SAMM50: variants seen among roughly 807,000 people sequenced by gnomAD.
SAMM50 encodes the protein SAMM50 sorting and assembly machinery component, also known as sorting and assembly machinery component 50 homolog.
Under a neutral mutation model 66.9 loss-of-function variants are expected in SAMM50, and 47 were observed. The observed-to-expected ratio is 0.70, with a 90% CI of 0.56 to 0.90. The LOEUF (loss-of-function observed/expected upper bound fraction) is 0.90, where lower values mean the gene tolerates loss of function less well. Among genes scored for constraint, SAMM50 ranks in the 40% least tolerant of loss-of-function variants. The pLI is 0.00. For missense variants in SAMM50, 535 were observed against 595.3 expected, an observed-to-expected ratio of 0.90 and a Z score of 1.05; for synonymous variants, 191 against 214.1, an observed-to-expected ratio of 0.89 and a Z score of 0.94.
At chr22:43,973,748 G>A (rs191972271) in intron 7 of SAMM50, among the ~76,000 whole-genome samples, 278 of 152,218 alleles carry the variant, frequency 1.8e-3, no homozygotes, top group African/African-American at 6.5e-3. Flanking sequence ...TGATTCTCCT[G>A]CCTCAGCCTC....
chr22:43,974,486 G>C (rs937930274), intron 7 of SAMM50: 6 of 152,308 alleles, frequency 3.9e-5, no homozygotes, highest in African/African-American at 1.4e-4. Flanking sequence ...AGTGCCCCAG[G>C]CCTCTGGTCC....
chr22:43,976,066 G>A lies in SAMM50; in HGVS notation c.660G>A (p.Trp220Ter). The A allele has an allele frequency of 6.2e-7, 1 of 1,610,462 alleles. No individual in the cohort carries two copies. Among genetic ancestry groups the A allele is most frequent in the African/African-American group, 1.3e-5 (1 of 75,012 alleles). Residue 220 changes from tryptophan (W) to a stop codon, truncating the protein, a stop_gained, in exon 8 of 15, where the codon TGG becomes TGA. Coordinates refer to ENST00000350028, the MANE Select transcript of SAMM50 (RefSeq NM_015380.5). LOFTEE classifies it high-confidence loss of function. ...TCTCCATGTTGCAGTTTCCCATATG[G>A]AAGACCAGCCACACTGTCAAGTGGG... is the stretch of plus-strand genomic sequence containing the variant. ...GMSAEYSFPI[W>*]KTSHTVKWEG...
intron 3 of SAMM50, 84 bp downstream of exon 3, chr22:43,964,637 C>G (rs1045526620): frequency 1.4e-6 from 1 of 736,066 alleles, no homozygotes; most frequent in Non-Finnish European, 2.3e-6. Context: ...ACAGAGCACC[C>G]TGCGCCCGGC....
chr22:43,979,622 C>T (rs981177617), intron 10 of SAMM50, among the ~76,000 whole-genome samples: 6 of 151,888 alleles, frequency 4.0e-5, no homozygotes, highest in Admixed American at 6.6e-5. Context: ...CTTTTTGAGT[C>T]GTCTTTACTC....
chr22:43,996,408 TG>T lies in SAMM50; in HGVS notation c.*28del. ...GCCGACACCCCTACAGGAGAAGCTC[TG>T]GGACTGGGGCAGCAGCAAGGCGCCC... On this transcript the variant is annotated 3_prime_UTR_variant, in exon 15 of 15. Transcript: ENST00000350028. 6.2e-7 allele frequency: 1 copy of T among 1,612,918 alleles called. No individual in the cohort carries two copies. Among genetic ancestry groups the T allele is most frequent in the Non-Finnish European group, 8.5e-7 (1 of 1,178,866 alleles).
chr22:43,971,656 A>C lies in SAMM50; in HGVS notation c.323-580A>C, dbSNP rs1031012701. 2.0e-5 allele frequency among the ~76,000 whole-genome samples: 3 copies of C among 152,146 alleles called. No homozygotes were observed. The South Asian group carries it at 6.2e-4, about 32-fold the overall frequency. On this transcript the variant is annotated intron_variant, in intron 4 of 14. Transcript: ENST00000350028. The stretch of plus-strand genomic sequence containing the variant: ...TTTGCTTAAGTTTGCTTAAGTGAAT[A>C]ATGCTGCTTATAGTTATCTCCTTGT...
Position 43,985,939 on chromosome 22 carries a change from G to GT in SAMM50, c.1075+1950dup, listed in dbSNP as rs906958086. ...CCCAAGCTTTGGACATTGAGTTTGTGTTTTTTTTTTTCTTTTATGATTATA... is the reference window on the plus strand; with the variant it reads ...CCCAAGCTTTGGACATTGAGTTTGTGTTTTTTTTTTTTCTTTTATGATTATA... On this transcript the variant is annotated intron_variant, in intron 12 of 14. Transcript: ENST00000350028. 7.5e-4 allele frequency among the ~76,000 whole-genome samples: 104 copies of GT among 139,190 alleles called. 1 individual carries two copies. The highest frequency in any genetic ancestry group is 1.3e-3 in the East Asian group (6 of 4,712). 91.3% of individuals were successfully genotyped at this position (139,190 alleles called of 152,430 possible). A position where few individuals can be genotyped will look rare whatever the true frequency, so the allele number is the denominator to read the frequency against.
chr22:43,980,750 C>T (rs537379199), intron 10 of SAMM50, among the ~76,000 whole-genome samples: 5 of 152,210 alleles, frequency 3.3e-5, no homozygotes, highest in Admixed American at 6.5e-5. Flanking sequence ...AGGCAGAGAA[C>T]GTGTGAGGCT....
At position 43,956,556 on chromosome 22, in the gene SAMM50, C is replaced by T. The variant is rs144980586; in HGVS notation, c.21+958C>T. 7.2e-4 allele frequency among the ~76,000 whole-genome samples: 109 copies of T among 152,318 alleles called. 2 individuals carry two copies. The highest frequency in any genetic ancestry group is 2.5e-3 in the African/African-American group (105 of 41,560). On this transcript the variant is annotated intron_variant, in intron 1 of 14. Transcript: ENST00000350028. ...TCAGTGTGCTCGATAAGTCAATACA[C>T]TCAGACAGTGGGTTGCAGCAGAGAA...
At chr22:43,978,432 CAAAAAAAA>C (rs71313377) in intron 10 of SAMM50, among the ~76,000 whole-genome samples, 1 of 69,166 alleles carries the variant, frequency 1.4e-5, no homozygotes, top group Non-Finnish European at 2.5e-5. Flanking sequence ...GACTCCTTCT[CAAAAAAAA>C]AAAAAAAAAA....
chr22:43,985,784 C>A (rs1315402124), intron 12 of SAMM50, among the ~76,000 whole-genome samples: 1 of 151,940 alleles, frequency 6.6e-6, no homozygotes, highest in African/African-American at 2.4e-5. Flanking sequence ...TAAGGAGCTG[C>A]CAGGCGAGCT....
intron 1 of SAMM50, among the ~76,000 whole-genome samples, chr22:43,961,291 G>C (rs1223632840): frequency 1.3e-5 from 2 of 151,774 alleles, no homozygotes; most frequent in Non-Finnish European, 2.9e-5. Flanking sequence ...TGCCACACTA[G>C]ACCTTCTGTG....
rs189162603 is a variant in SAMM50, at chr22:43,957,614, G to T, written c.21+2016G>T. On this transcript the variant is annotated intron_variant, in intron 1 of 14. Transcript: ENST00000350028. ...ATTTTTGTATTTTTAGTAGAGACGG[G>T]GGTTTCATCATGTTGGCCAGGCTGG... Among the ~76,000 whole-genome samples the T allele has an allele frequency of 1.6e-3, 249 of 152,282 alleles. 2 individuals are homozygous for T. Among genetic ancestry groups the T allele is most frequent in the Middle Eastern group, 6.8e-3 (2 of 294 alleles).
intron 10 of SAMM50, among the ~76,000 whole-genome samples, chr22:43,978,432 C>CAAAAAAAA (rs71313377): frequency 1.7e-4 from 12 of 69,112 alleles, no homozygotes; most frequent in African/African-American, 5.4e-4. Flanking sequence ...GACTCCTTCT[C>CAAAAAAAA]AAAAAAAAAA....
intron 1 of SAMM50, among the ~76,000 whole-genome samples, chr22:43,961,680 G>A (rs1156704968): frequency 6.6e-6 from 1 of 151,952 alleles, no homozygotes; most frequent in Non-Finnish European, 1.5e-5. Context: ...TCAAACTACT[G>A]ACCTAAAGTG....
At chr22:43,966,709 G>A (rs2050175370) in intron 3 of SAMM50, among the ~76,000 whole-genome samples, 1 of 151,922 alleles carries the variant, frequency 6.6e-6, no homozygotes, top group Non-Finnish European at 1.5e-5. Flanking sequence ...CCCAAAATTG[G>A]GTTTTATCAC....
intron 1 of SAMM50, 33 bp downstream of exon 1, chr22:43,955,631 C>A (rs1476619851): frequency 1.5e-5 from 23 of 1,570,702 alleles, no homozygotes; most frequent in Non-Finnish European, 2.0e-5. Flanking sequence ...GGCTGCGAGG[C>A]CTCTGGGCCA....
chr22:43,968,513 T>A (rs2050186068), intron 3 of SAMM50, among the ~76,000 whole-genome samples: 1 of 152,250 alleles, frequency 6.6e-6, no homozygotes. Context: ...TTGCACACTC[T>A]TGATGCCAAG....
intron 3 of SAMM50, among the ~76,000 whole-genome samples, chr22:43,965,848 G>A (rs2050170548): frequency 6.6e-6 from 1 of 150,568 alleles, no homozygotes. Context: ...TTTTTTTTCT[G>A]AGATAGGGTC....
Sources: allele counts gnomAD v4.1 joint callset (sites outside exome capture counted in the v4.1 genomes callset), GRCh38; gene constraint gnomAD v4.1.1; transcripts MANE v1.5; gene names NCBI Gene and HGNC (gene_info 2026-07-23, HGNC 2026-07-21).